The following PTPRE variants were observed in gnomAD, a reference collection of about 807,000 sequenced individuals.
PTPRE encodes protein tyrosine phosphatase receptor type E, also known as receptor-type tyrosine-protein phosphatase epsilon.
PTPRE carries 51 observed loss-of-function variants against 102.0 expected under a neutral mutation model. The ratio of observed to expected loss-of-function variants is 0.50; its 90% CI spans 0.40 to 0.63. The LOEUF (loss-of-function observed/expected upper bound fraction) is 0.63, where lower values mean the gene tolerates loss of function less well. Among genes scored for constraint, PTPRE ranks in the 30% least tolerant of loss-of-function variants. The pLI is 0.00. For synonymous variants in PTPRE, 345 were observed against 348.2 expected, an observed-to-expected ratio of 0.99 and a Z score of 0.10; for missense variants, 752 against 915.1, an observed-to-expected ratio of 0.82 and a Z score of 2.30.
At chr10:127,921,601 G>A (rs1462871813) in intron 1 of PTPRE, among the ~76,000 whole-genome samples, 4 of 152,164 alleles carry the variant, frequency 2.6e-5, no homozygotes, top group African/African-American at 4.8e-5. Context: ...TGGGCTGGGG[G>A]CACAGAGCTG....
In PTPRE at chr10:128,062,788, C is replaced by G. The variant is rs532707667; in HGVS notation, c.626-295C>G. On this transcript the variant is annotated intron_variant, in intron 9 of 20. Coordinates refer to ENST00000254667, the MANE Select transcript of PTPRE (RefSeq NM_006504.6). The stretch of plus-strand genomic sequence containing the variant: ...CAAGGCTTTCACCAGCTCTCCCACA[C>G]TTGGCTGTAGACCCAGCCCTCATCT... 4.3e-5 allele frequency: 16 copies of G among 376,076 alleles called. No homozygotes were observed. In the South Asian group the frequency reaches 8.0e-4, roughly 19 times the overall value. 23.3% of individuals were successfully genotyped at this position (376,076 alleles called of 1,614,324 possible). A position where few individuals can be genotyped will look rare whatever the true frequency, so the allele number is the denominator to read the frequency against.
intron 1 of PTPRE, among the ~76,000 whole-genome samples, chr10:127,977,473 A>G (rs937039341): frequency 1.3e-5 from 2 of 152,180 alleles, no homozygotes; most frequent in African/African-American, 4.8e-5. Flanking sequence ...CATGCTACAC[A>G]AGCCACTCAG....
At chr10:128,079,916 G>A (rs558540459) in intron 20 of PTPRE, among the ~76,000 whole-genome samples, 3 of 152,310 alleles carry the variant, frequency 2.0e-5, no homozygotes, top group South Asian at 4.1e-4. Flanking sequence ...GGGAGGAGGG[G>A]CCTGTCCGCC....
Position 128,084,198 on chromosome 10 carries a change from T to G in PTPRE, c.*1292T>G, listed in dbSNP as rs1327656320. 6.6e-6 allele frequency: 1 copy of G among 151,740 alleles called. No homozygotes were observed. Among genetic ancestry groups the G allele is most frequent in the Non-Finnish European group, 1.5e-5 (1 of 67,966 alleles). 9.4% of individuals were successfully genotyped at this position (151,740 alleles called of 1,614,324 possible). A position where few individuals can be genotyped will look rare whatever the true frequency, so the allele number is the denominator to read the frequency against. Reference sequence around the variant, plus strand: ...TACCAACACTGAATCTTACAGCAGTTATCTTTCTATGGCCATTAGGTACCT... The same window carrying G: ...TACCAACACTGAATCTTACAGCAGTGATCTTTCTATGGCCATTAGGTACCT... On this transcript the variant is annotated 3_prime_UTR_variant, in exon 21 of 21. Transcript: ENST00000254667.
At chr10:127,931,715 C>T (rs2135239828) in intron 1 of PTPRE, among the ~76,000 whole-genome samples, 1 of 152,284 alleles carries the variant, frequency 6.6e-6, no homozygotes, top group South Asian at 2.1e-4. Flanking sequence ...AAAAATGACC[C>T]CACTCCACCT....
At chr10:128,071,180 G>T in intron 15 of PTPRE, 1 of 469,200 alleles carries the variant, frequency 2.1e-6, no homozygotes, top group Non-Finnish European at 3.8e-6. Flanking sequence ...GCTGATTTCA[G>T]GGGAGGGCTT....
At chr10:128,016,811 T>G (rs1286479935) in intron 2 of PTPRE, among the ~76,000 whole-genome samples, 1 of 152,214 alleles carries the variant, frequency 6.6e-6, no homozygotes, top group Non-Finnish European at 1.5e-5. Flanking sequence ...CTCACCTTGT[T>G]TAGCCCAACG....
intron 1 of PTPRE, among the ~76,000 whole-genome samples, chr10:127,913,333 A>T (rs1400450755): frequency 6.6e-6 from 1 of 152,224 alleles, no homozygotes; most frequent in Non-Finnish European, 1.5e-5. Context: ...CACAAACATA[A>T]TTTTTGGTTA....
chr10:127,921,630 C>A (rs962506173), intron 1 of PTPRE, among the ~76,000 whole-genome samples: 1 of 152,340 alleles, frequency 6.6e-6, no homozygotes, highest in South Asian at 2.1e-4. Flanking sequence ...GAGAGGCTCA[C>A]TGAGCTGTTG....
intron 1 of PTPRE, among the ~76,000 whole-genome samples, chr10:127,928,229 G>A (rs957142877): frequency 1.1e-4 from 17 of 152,166 alleles, no homozygotes; most frequent in Non-Finnish European, 1.9e-4. Context: ...GCATCCAAAC[G>A]GACTTTAAAA....
chr10:127,957,504 C>A, intron 1 of PTPRE, among the ~76,000 whole-genome samples: 1 of 151,908 alleles, frequency 6.6e-6, no homozygotes, highest in East Asian at 1.9e-4. Flanking sequence ...ATCTGTATAC[C>A]TTTTATTTTC....
At chr10:128,009,075 C>T (rs1844757167) in intron 2 of PTPRE, among the ~76,000 whole-genome samples, 1 of 152,216 alleles carries the variant, frequency 6.6e-6, no homozygotes, top group Non-Finnish European at 1.5e-5. Flanking sequence ...TGCTGGCTGT[C>T]ACCGCAAGCC....
At chr10:127,920,273 AAG>A (rs1053736534) in intron 1 of PTPRE, among the ~76,000 whole-genome samples, 23 of 152,216 alleles carry the variant, frequency 1.5e-4, no homozygotes, top group African/African-American at 5.5e-4. Flanking sequence ...CCTCCGTGAG[AAG>A]AGCACCTTGA....
chr10:127,979,734 T>C (rs1851460764), intron 1 of PTPRE, among the ~76,000 whole-genome samples: 1 of 152,214 alleles, frequency 6.6e-6, no homozygotes, highest in Admixed American at 6.5e-5. Flanking sequence ...TTGATTGGGG[T>C]TGTCAATCGT....
chr10:127,969,033 G>T (rs927687059), intron 1 of PTPRE, among the ~76,000 whole-genome samples: 3 of 152,182 alleles, frequency 2.0e-5, no homozygotes, highest in African/African-American at 7.2e-5. Context: ...TTCAGTCAGG[G>T]TTTCCAACAA....
At chr10:128,072,376 G>A in intron 16 of PTPRE, 162 bp downstream of exon 16, 1 of 642,926 alleles carries the variant, frequency 1.6e-6, no homozygotes, top group Non-Finnish European at 2.6e-6. Context: ...AAAGTGGCAA[G>A]GCACGATGGC....
intron 1 of PTPRE, among the ~76,000 whole-genome samples, chr10:127,981,878 T>G (rs1044784232): frequency 6.6e-6 from 1 of 151,896 alleles, no homozygotes; most frequent in Non-Finnish European, 1.5e-5. Flanking sequence ...AAGATTAAGC[T>G]AGAAAGCTGG....
At chr10:127,938,858 C>G (rs1362054206) in intron 1 of PTPRE, among the ~76,000 whole-genome samples, 1 of 152,164 alleles carries the variant, frequency 6.6e-6, no homozygotes, top group Non-Finnish European at 1.5e-5. Flanking sequence ...TCTCTCTTCT[C>G]TGACCCTGCC....
intron 13 of PTPRE, 109 bp downstream of exon 13, chr10:128,069,936 C>A: frequency 1.3e-6 from 2 of 1,555,076 alleles, no homozygotes; most frequent in South Asian, 1.2e-5. Flanking sequence ...GGCAACCAGC[C>A]TGGGCCTGGC....
Sources: allele counts gnomAD v4.1 joint callset (sites outside exome capture counted in the v4.1 genomes callset), GRCh38; gene constraint gnomAD v4.1.1; transcripts MANE v1.5; gene names NCBI Gene and HGNC (gene_info 2026-07-23, HGNC 2026-07-21).